The following MEIOSIN variants were observed in gnomAD, a reference collection of about 807,000 sequenced individuals.
MEIOSIN encodes the protein meiosis initiator protein.
A neutral mutation model predicts 23.4 loss-of-function variants in MEIOSIN; 18 were observed. That is an observed-to-expected ratio of 0.77 (90% CI 0.53 to 1.14). The LOEUF (loss-of-function observed/expected upper bound fraction) is 1.14. Among genes scored for constraint, MEIOSIN ranks in the 50% most tolerant of loss-of-function variants. The pLI is 0.00. For synonymous variants in MEIOSIN, 187 were observed against 100.6 expected, an observed-to-expected ratio of 1.86 and a Z score of -5.14; for missense variants, 428 against 242.9, an observed-to-expected ratio of 1.76 and a Z score of -5.07.
chr19:45,754,421 C>T, intron 6 of MEIOSIN, 58 bp from the exon 7 acceptor site: 4 of 667,468 alleles, frequency 6.0e-6, no homozygotes, highest in Non-Finnish European at 1.1e-5. Context: ...GAACCCTATT[C>T]TGGTGACAGG....
chr19:45,759,289 G>A (rs1321533051), intron 10 of MEIOSIN, 125 bp from the exon 11 acceptor site: 2 of 653,710 alleles, frequency 3.1e-6, no homozygotes, highest in South Asian at 1.7e-5. Flanking sequence ...TTGGACCTAG[G>A]GTGGGAGATC....
In MEIOSIN at chr19:45,764,366, G is replaced by T; in HGVS notation, c.*248G>T. 2 of 377,750 alleles carry T rather than the reference G, an allele frequency of 5.3e-6. No homozygotes were observed. Among genetic ancestry groups the T allele is most frequent in the Non-Finnish European group, 9.4e-6 (2 of 212,960 alleles). 23.4% of individuals were successfully genotyped at this position (377,750 alleles called of 1,614,324 possible). ...GGAAGGAAACCCAAAATGAAATGCG[G>T]GGTGTCGGAAGGTGAAGTTTACCCA... On this transcript the variant is annotated 3_prime_UTR_variant, in exon 15 of 15. Coordinates refer to ENST00000457052, the MANE Select transcript of MEIOSIN (RefSeq NM_001310124.2).
At chr19:45,763,749 C>T (rs997149916) in intron 14 of MEIOSIN, among the ~76,000 whole-genome samples, 11 of 152,210 alleles carry the variant, frequency 7.2e-5, no homozygotes, top group African/African-American at 2.4e-4. Context: ...GTCCCCTCCA[C>T]CTTCAAGGAG....
chr19:45,750,330 C>T (rs1281091766), intron 4 of MEIOSIN, among the ~76,000 whole-genome samples: 1 of 144,234 alleles, frequency 6.9e-6, no homozygotes, highest in East Asian at 2.3e-4. Context: ...TTGTGCTCAA[C>T]CCTGTCTTTC....
chr19:45,743,294 C>T (rs1968537730), intron 3 of MEIOSIN, among the ~76,000 whole-genome samples: 1 of 152,170 alleles, frequency 6.6e-6, no homozygotes, highest in African/African-American at 2.4e-5. Context: ...ATAAGTAGAC[C>T]TGGACACTTT....
chr19:45,742,639 C>T (rs947381470), intron 3 of MEIOSIN, among the ~76,000 whole-genome samples: 6 of 151,798 alleles, frequency 4.0e-5, no homozygotes, highest in African/African-American at 1.5e-4. Context: ...ATTAGCCAGG[C>T]GTGGTGTCAG....
intron 2 of MEIOSIN, among the ~76,000 whole-genome samples, chr19:45,735,669 C>CTTAT (rs928984937): frequency 1.8e-4 from 28 of 151,960 alleles, no homozygotes; most frequent in Middle Eastern, 3.4e-3. Flanking sequence ...AAGATCATTG[C>CTTAT]TTATTTATTT....
intron 9 of MEIOSIN, 40 bp downstream of exon 9, chr19:45,757,317 G>T: frequency 1.4e-6 from 1 of 693,424 alleles, no homozygotes; most frequent in Non-Finnish European, 2.6e-6. Context: ...AGGCTGGTGT[G>T]GGCCTTCCCA....
chr19:45,746,709 T>G (rs1968601813), intron 4 of MEIOSIN, among the ~76,000 whole-genome samples: 2 of 151,526 alleles, frequency 1.3e-5, no homozygotes, highest in Non-Finnish European at 2.9e-5. Flanking sequence ...TAATCCCAGC[T>G]ACTCAGGAGG....
intron 13 of MEIOSIN, among the ~76,000 whole-genome samples, chr19:45,762,805 C>T (rs1357432690): frequency 6.6e-6 from 1 of 152,208 alleles, no homozygotes; most frequent in African/African-American, 2.4e-5. Context: ...TGCCTTGAGA[C>T]ATAGCTGGTT....
intron 6 of MEIOSIN, 67 bp from the exon 7 acceptor site, chr19:45,754,412 A>T: frequency 1.5e-6 from 1 of 653,402 alleles, no homozygotes; most frequent in Non-Finnish European, 2.8e-6. Flanking sequence ...TTCCCACCTG[A>T]ACCCTATTCT....
intron 2 of MEIOSIN, among the ~76,000 whole-genome samples, chr19:45,737,947 G>T (rs1968436813): frequency 6.6e-6 from 1 of 151,804 alleles, no homozygotes; most frequent in Admixed American, 6.6e-5. Context: ...TTGTGGACAG[G>T]GTCTCACCAT....
intron 13 of MEIOSIN, among the ~76,000 whole-genome samples, chr19:45,762,433 T>G (rs1036001150): frequency 2.6e-5 from 4 of 152,220 alleles, no homozygotes; most frequent in African/African-American, 9.7e-5. Context: ...TTTTTTGTTT[T>G]GTTTTGTTTT....
intron 14 of MEIOSIN, 29 bp downstream of exon 14, chr19:45,763,456 TG>T (rs1171282059): frequency 1.8e-5 from 7 of 398,360 alleles, no homozygotes; most frequent in African/African-American, 1.0e-4. Context: ...GAGGTGTGGG[TG>T]GGGGGTGGAA....
At chr19:45,752,276 C>T (rs1484214001) in intron 5 of MEIOSIN, among the ~76,000 whole-genome samples, 2 of 151,894 alleles carry the variant, frequency 1.3e-5, no homozygotes, top group African/African-American at 4.8e-5. Flanking sequence ...AGTGCAGTGG[C>T]GTGATCTCAG....
Position 45,764,096 on chromosome 19 carries a change from C to T in MEIOSIN, c.1895C>T (p.Pro632Leu), listed in dbSNP as rs116007597. The T allele has an allele frequency of 0.012, 4,753 of 398,622 alleles. 195 individuals carry two copies. The highest frequency in any genetic ancestry group is 0.087 in the African/African-American group (4,257 of 48,750). 24.7% of individuals were successfully genotyped at this position (398,622 alleles called of 1,614,324 possible). ...CAGCTGCTGGCCGAGAAGGCCTTGC[C>T]GCTGCCCCCGCACCTCCAGTGAGAG... is the stretch of plus-strand genomic sequence containing the variant. ...FYQLLAEKAL[P>L]LPPHLQ Residue 632 changes from proline (P) to leucine (L), a missense_variant, in exon 15 of 15, where the codon CCG becomes CTG. Physicochemically the swap from Pro to Leu is moderately conservative, Grantham distance 98 (BLOSUM62 -3). Coordinates refer to ENST00000457052, the MANE Select transcript of MEIOSIN (RefSeq NM_001310124.2).
At chr19:45,745,137 G>A (rs1166824075) in intron 3 of MEIOSIN, 55 bp from the exon 4 acceptor site, 2 of 701,666 alleles carry the variant, frequency 2.9e-6, no homozygotes, top group Non-Finnish European at 5.2e-6. Flanking sequence ...TTGCGGGTTG[G>A]ATGTGGAATT....
intron 5 of MEIOSIN, 87 bp from the exon 6 acceptor site, chr19:45,753,564 C>G: frequency 1.6e-6 from 1 of 627,372 alleles, no homozygotes; most frequent in East Asian, 2.8e-5. Flanking sequence ...TGACCCGGGA[C>G]TGAGGAGCAT....
rs2146203844 is a variant in MEIOSIN, at chr19:45,764,253, G to A, written c.*135G>A. The A allele has an allele frequency of 2.5e-6, 1 of 397,412 alleles. No homozygotes were observed. The allele number at this position is 397,412 out of a possible 1,614,324, so 24.6% of individuals were successfully genotyped here. A position where few individuals can be genotyped will look rare whatever the true frequency, so the allele number is the denominator to read the frequency against. On this transcript the variant is annotated 3_prime_UTR_variant, in exon 15 of 15. Transcript: ENST00000457052. Reference sequence around the variant, plus strand: ...AATGCAGGTCCCATGGGACTGGGGAGGGGGGCACTGATTAGCCCCAACCGC... The same window carrying A: ...AATGCAGGTCCCATGGGACTGGGGAAGGGGGCACTGATTAGCCCCAACCGC...
Sources: allele counts gnomAD v4.1 joint callset (sites outside exome capture counted in the v4.1 genomes callset), GRCh38; gene constraint gnomAD v4.1.1; transcripts MANE v1.5; gene names NCBI Gene and HGNC (gene_info 2026-07-23, HGNC 2026-07-21).